The following DLGAP2 variants were observed in gnomAD, a reference collection of about 807,000 sequenced individuals.
DLGAP2 encodes the protein disks large-associated protein 2.
DLGAP2 carries 26 observed loss-of-function variants against 100.3 expected under a neutral mutation model. The ratio of observed to expected loss-of-function variants is 0.26; its 90% CI spans 0.19 to 0.36. The LOEUF (loss-of-function observed/expected upper bound fraction) is 0.36. DLGAP2 is among the 10% of genes least tolerant of loss of function. The probability of loss-of-function intolerance (pLI) is 1.00; values close to 1 mark genes in which losing one functional copy is unlikely to be tolerated. For missense variants in DLGAP2, 1,858 were observed against 1,453.2 expected (o/e 1.28, Z -4.53); for synonymous variants, 886 against 630.1 (o/e 1.41, Z -6.08).
Position 832,894 on chromosome 8 carries a change from C to T in DLGAP2, c.19-75018C>T, listed in dbSNP as rs181994617. ...ACGGGGTGTATGGACATGGGGTGGG[C>T]TCTTCCTCTTGGGAGTCAGTTCTTT... is the stretch of plus-strand genomic sequence containing the variant. On this transcript the variant is annotated intron_variant, in intron 1 of 14. Coordinates refer to ENST00000637795, the MANE Select transcript of DLGAP2 (RefSeq NM_001346810.2). Among the ~76,000 whole-genome samples the T allele has an allele frequency of 2.5e-3, 381 of 152,250 alleles. 1 individual carries two copies. Among genetic ancestry groups the T allele is most frequent in the African/African-American group, 8.5e-3 (355 of 41,552 alleles).
chr8:1,376,193 G>A (rs1339052999), intron 3 of DLGAP2, among the ~76,000 whole-genome samples: 1 of 152,212 alleles, frequency 6.6e-6, no homozygotes, highest in Non-Finnish European at 1.5e-5. Flanking sequence ...GAATCAGAAT[G>A]AGGCAGTAAA....
intron 2 of DLGAP2, among the ~76,000 whole-genome samples, chr8:1,203,565 G>A (rs1797928285): frequency 6.6e-6 from 1 of 152,194 alleles, no homozygotes; most frequent in African/African-American, 2.4e-5. Context: ...CTTTTATCTA[G>A]CAGATTCTCT....
intron 2 of DLGAP2, among the ~76,000 whole-genome samples, chr8:1,231,598 G>A (rs1209310570): frequency 6.6e-6 from 1 of 152,324 alleles, no homozygotes; most frequent in Non-Finnish European, 1.5e-5. Context: ...ATGCAACACA[G>A]GTGGACTGGA....
intron 2 of DLGAP2, among the ~76,000 whole-genome samples, chr8:1,178,849 G>T (rs549066012): frequency 6.6e-6 from 1 of 152,314 alleles, no homozygotes; most frequent in African/African-American, 2.4e-5. Context: ...AAGAGGGTGT[G>T]GGTGTGATTC....
chr8:868,236 G>A (rs1413544120), intron 1 of DLGAP2, among the ~76,000 whole-genome samples: 2 of 152,174 alleles, frequency 1.3e-5, no homozygotes, highest in African/African-American at 4.8e-5. Context: ...CTGTCCTGTG[G>A]GGTCACATGT....
At chr8:1,425,926 T>C (rs1025587171) in intron 3 of DLGAP2, among the ~76,000 whole-genome samples, 3 of 151,920 alleles carry the variant, frequency 2.0e-5, no homozygotes, top group Non-Finnish European at 4.4e-5. Context: ...AAAAGCAAAA[T>C]AGCCAGGACC....
chr8:1,042,803 G>GTGTGGGTGGTGGGTGTGGGTGGTGGA (rs1802395246), intron 2 of DLGAP2, among the ~76,000 whole-genome samples: 1 of 57,454 alleles, frequency 1.7e-5, no homozygotes, highest in Non-Finnish European at 3.7e-5. Flanking sequence ...TGGGTGGTGG[G>GTGTGGGTGGTGGGTGTGGGTGGTGGA]TGTGGGTGGT....
chr8:1,660,165 T>C (rs1798377206), intron 8 of DLGAP2, among the ~76,000 whole-genome samples: 1 of 152,202 alleles, frequency 6.6e-6, no homozygotes, highest in Admixed American at 6.5e-5. Context: ...TGTTGAATAT[T>C]GGCCCCCACT....
intron 2 of DLGAP2, 65 bp from the exon 3 acceptor site, chr8:1,258,786 A>AT: frequency 8.2e-7 from 1 of 1,214,074 alleles, no homozygotes; most frequent in Non-Finnish European, 1.0e-6. Flanking sequence ...GCTGATGTTG[A>AT]ATCTTTTTAA....
chr8:1,083,797 G>C (rs1585043900), intron 2 of DLGAP2, among the ~76,000 whole-genome samples: 2 of 152,082 alleles, frequency 1.3e-5, no homozygotes, highest in African/African-American at 4.8e-5. Flanking sequence ...TCAAAACTAT[G>C]AATGTACCTT....
chr8:1,469,543 G>A (rs546872672), intron 3 of DLGAP2, among the ~76,000 whole-genome samples: 1 of 152,298 alleles, frequency 6.6e-6, no homozygotes, highest in South Asian at 2.1e-4. Flanking sequence ...GACCTTGCCT[G>A]CTCCTTCGCT....
intron 3 of DLGAP2, among the ~76,000 whole-genome samples, chr8:1,409,450 G>T (rs1429796204): frequency 1.3e-5 from 2 of 152,196 alleles, no homozygotes; most frequent in Non-Finnish European, 2.9e-5. Context: ...GGAAGAAATG[G>T]GCTCAGTAAA....
intron 3 of DLGAP2, among the ~76,000 whole-genome samples, chr8:1,309,756 G>A (rs1482271903): frequency 6.6e-6 from 1 of 152,196 alleles, no homozygotes; most frequent in Non-Finnish European, 1.5e-5. Context: ...ATGCATAAAA[G>A]ATAAGTGTAC....
intron 3 of DLGAP2, among the ~76,000 whole-genome samples, chr8:1,447,181 G>T (rs1798004944): frequency 2.0e-5 from 3 of 152,260 alleles, no homozygotes; most frequent in African/African-American, 4.8e-5. Flanking sequence ...AGTTTTCAAA[G>T]AGAATGTTTC....
chr8:756,168 G>A (rs541730785), intron 1 of DLGAP2, among the ~76,000 whole-genome samples: 5 of 152,254 alleles, frequency 3.3e-5, no homozygotes, highest in Admixed American at 2.6e-4. Context: ...GAGGATGAGC[G>A]GGTTGGGGCC....
intron 13 of DLGAP2, among the ~76,000 whole-genome samples, chr8:1,695,053 G>A (rs1020336814): frequency 6.6e-6 from 1 of 152,154 alleles, no homozygotes; most frequent in Non-Finnish European, 1.5e-5. Context: ...AGGGGGGCAC[G>A]GGAAGGCGAT....
intron 3 of DLGAP2, among the ~76,000 whole-genome samples, chr8:1,463,476 C>G (rs1337048257): frequency 6.6e-6 from 1 of 152,218 alleles, no homozygotes; most frequent in African/African-American, 2.4e-5. Context: ...AACCCACCGT[C>G]CAAAGCCAGG....
rs1485548187 is a variant in DLGAP2, at chr8:750,491, A to G, written c.18+12666A>G. ...TTTTCCTGAGTGCATAAAAATTGAC[A>G]AAGAATATAAACAGAAAATTAAAGA... On this transcript the variant is annotated intron_variant, in intron 1 of 14. Transcript: ENST00000637795. Among the ~76,000 whole-genome samples, 3 of 152,394 alleles carry G rather than the reference A, an allele frequency of 2.0e-5. No homozygotes were observed. The East Asian group carries it at 5.8e-4, about 29-fold the overall frequency.
chr8:895,650 G>T (rs1390937111), intron 1 of DLGAP2, among the ~76,000 whole-genome samples: 1 of 152,220 alleles, frequency 6.6e-6, no homozygotes, highest in Non-Finnish European at 1.5e-5. Flanking sequence ...GTGACTTAGG[G>T]TTCACGAGGT....
Sources: gnomAD v4.1 joint callset for allele counts (sites outside exome capture counted in the v4.1 genomes callset) on GRCh38, gnomAD v4.1.1 for gene constraint, MANE v1.5 for transcripts, NCBI Gene and HGNC (gene_info 2026-07-23, HGNC 2026-07-21) for gene names.